Variants in TPGS2 observed in about 807,000 individuals in gnomAD.
TPGS2 encodes the protein polyglutamylase subunit 2.
A neutral mutation model predicts 31.1 loss-of-function variants in TPGS2; 26 were observed. The observed-to-expected ratio is 0.84, with a 90% CI of 0.61 to 1.16. The LOEUF (loss-of-function observed/expected upper bound fraction) is 1.16. Among genes scored for constraint, TPGS2 ranks in the 50% most tolerant of loss-of-function variants. The pLI, the probability that TPGS2 is intolerant of heterozygous loss-of-function variation, is 0.00. For missense variants in TPGS2, 351 were observed against 363.8 expected, an observed-to-expected ratio of 0.96 and a Z score of 0.29; for synonymous variants, 130 against 136.6, an observed-to-expected ratio of 0.95 and a Z score of 0.34.
downstream of TPGS2, among the ~76,000 whole-genome samples, chr18:36,791,090 G>C (rs893677314): frequency 2.0e-5 from 3 of 152,084 alleles, no homozygotes; most frequent in Admixed American, 2.0e-4. Context: ...TTGCTTACTA[G>C]TGTGTAGCCC....
intron 2 of TPGS2, among the ~76,000 whole-genome samples, chr18:36,811,092 G>C (rs1464594349): frequency 6.6e-6 from 1 of 152,192 alleles, no homozygotes; most frequent in Non-Finnish European, 1.5e-5. Flanking sequence ...CCATGGCCAG[G>C]TGAAGAGCTG....
chr18:36,797,336 G>A (rs907926548), intron 6 of TPGS2, among the ~76,000 whole-genome samples: 8 of 151,962 alleles, frequency 5.3e-5, no homozygotes, highest in African/African-American at 1.9e-4. Context: ...AGTGAGTCCT[G>A]AGCCTGGGAT....
chr18:36,798,722 G>A, intron 5 of TPGS2, 113 bp from the exon 6 acceptor site: 7 of 1,461,132 alleles, frequency 4.8e-6, no homozygotes, highest in Non-Finnish European at 6.3e-6. Flanking sequence ...CAGAGAGAAT[G>A]GAAAATGTAA....
At chr18:36,804,040 A>G (rs968011175) in intron 4 of TPGS2, among the ~76,000 whole-genome samples, 1 of 152,100 alleles carries the variant, frequency 6.6e-6, no homozygotes, top group African/African-American at 2.4e-5. Context: ...ATAGCACACT[A>G]CAGCCTCAAT....
intron 2 of TPGS2, among the ~76,000 whole-genome samples, chr18:36,816,438 G>A (rs964124263): frequency 1.3e-5 from 2 of 152,206 alleles, no homozygotes; most frequent in Admixed American, 1.3e-4. Flanking sequence ...TCTAAGGACT[G>A]TATGGTACAA....
At chr18:36,791,335 CAG>C (rs1199284786), downstream of TPGS2, among the ~76,000 whole-genome samples, 2 of 152,174 alleles carry the variant, frequency 1.3e-5, no homozygotes, top group Non-Finnish European at 2.9e-5. Context: ...ACTGAAGACA[CAG>C]AGGACAGAGG....
At chr18:36,799,338 G>T (rs1358304221) in intron 5 of TPGS2, among the ~76,000 whole-genome samples, 2 of 152,136 alleles carry the variant, frequency 1.3e-5, no homozygotes, top group African/African-American at 4.8e-5. Context: ...TGCTTTCAAA[G>T]CTCTGCATCA....
Position 36,800,242 on chromosome 18 carries a change from T to C in TPGS2, c.452A>G (p.Asn151Ser), listed in dbSNP as rs199516988. The change falls in exon 5 of 7, where the codon AAT becomes AGT. Residue 151 changes from asparagine (N) to serine (S), a missense_variant. Coordinates refer to ENST00000334295, the MANE Select transcript of TPGS2 (RefSeq NM_015476.4). Reference sequence around the variant, plus strand: ...GACAAGGCAAACTTTCCCACTGCCATTGCATGAATCCAGCTCAAATATCAC... The same window carrying C: ...GACAAGGCAAACTTTCCCACTGCCACTGCATGAATCCAGCTCAAATATCAC... ...RSVIFELDSC[N>S]GSGKVCLVYK... 216 of 1,614,034 alleles carry C rather than the reference T, an allele frequency of 1.3e-4. No individual in the cohort carries two copies. The highest frequency in any genetic ancestry group is 1.8e-4 in the Non-Finnish European group (209 of 1,180,014).
chr18:36,795,670 A>G lies in TPGS2; in HGVS notation c.*1135T>C, dbSNP rs2044494771. On this transcript the variant is annotated 3_prime_UTR_variant, in exon 7 of 7. Transcript: ENST00000334295. The stretch of plus-strand genomic sequence containing the variant: ...TTATCTTGTGTCAAATATTAAGCAT[A>G]TGTGGGCTAGAGGTTCCCCCATATG... 1 of 985,360 alleles carries G rather than the reference A, an allele frequency of 1.0e-6. No individual in the cohort carries two copies. The highest frequency in any genetic ancestry group is 6.1e-5 in the Admixed American group (1 of 16,272). The allele number at this position is 985,360 out of a possible 1,614,324, so 61.0% of individuals were successfully genotyped here. A position where few individuals can be genotyped will look rare whatever the true frequency, so the allele number is the denominator to read the frequency against.
intron 1 of TPGS2, among the ~76,000 whole-genome samples, chr18:36,823,460 GTTTTTT>G (rs919277214): frequency 9.2e-6 from 1 of 108,110 alleles, no homozygotes; most frequent in African/African-American, 3.8e-5. Flanking sequence ...TTAACAGCTT[GTTTTTT>G]TTTTTTTTTT....
rs2044457517 is a variant in TPGS2 at position 36,794,925 on chromosome 18, T to C, written c.*1880A>G. The C allele has an allele frequency of 1.0e-6, 1 of 983,082 alleles. No homozygotes were observed. The highest frequency in any genetic ancestry group is 1.2e-6 in the Non-Finnish European group (1 of 829,686). The allele number at this position is 983,082 out of a possible 1,614,324, so 60.9% of individuals were successfully genotyped here. On this transcript the variant is annotated 3_prime_UTR_variant, in exon 7 of 7. Transcript: ENST00000334295. ...GAATTATAAGTGGTTAGTTTTGGGATTGAAAAGGTAAGAGGTCTCGCTATT... is the reference window on the plus strand; with the variant it reads ...GAATTATAAGTGGTTAGTTTTGGGACTGAAAAGGTAAGAGGTCTCGCTATT...
intron 2 of TPGS2, among the ~76,000 whole-genome samples, chr18:36,811,677 A>G (rs2045435290): frequency 6.6e-6 from 1 of 152,194 alleles, no homozygotes; most frequent in Admixed American, 6.5e-5. Context: ...CAGGAATGCA[A>G]TTAAGGATTG....
Position 36,796,848 on chromosome 18 carries a change from G to T in TPGS2, c.860C>A (p.Thr287Asn). 1.9e-6 allele frequency: 3 copies of T among 1,606,918 alleles called. No individual in the cohort carries two copies. Among genetic ancestry groups the T allele is most frequent in the Non-Finnish European group, 2.5e-6 (3 of 1,177,834 alleles). ...SGPSGPSTSS[T>N]SKSSSGSGNP... Reference sequence around the variant, plus strand: ...TCCAGAGCCAGAGGAGGATTTAGAAGTGGAGGAAGTGGAGGGACCGGAGGG... The same window carrying T: ...TCCAGAGCCAGAGGAGGATTTAGAATTGGAGGAAGTGGAGGGACCGGAGGG... The change falls in exon 7 of 7, where the codon ACT becomes AAT. Residue 287 changes from threonine to asparagine, a missense_variant. Physicochemically the swap from Thr to Asn is moderately conservative, Grantham distance 65. Coordinates refer to ENST00000334295, the MANE Select transcript of TPGS2 (RefSeq NM_015476.4).
At chr18:36,792,444 T>A (rs534744757), downstream of TPGS2, among the ~76,000 whole-genome samples, 1 of 152,316 alleles carries the variant, frequency 6.6e-6, no homozygotes, top group African/African-American at 2.4e-5. Flanking sequence ...AATACACGCA[T>A]TTATGCTGAA....
intron 1 of TPGS2, chr18:36,824,003 C>T (rs1166989509): frequency 4.9e-6 from 2 of 411,344 alleles, no homozygotes; most frequent in African/African-American, 2.2e-5. Flanking sequence ...CATCCTTTCC[C>T]CCAAAAGAAA....
chr18:36,816,829 G>A lies in TPGS2; in HGVS notation c.165+2065C>T, dbSNP rs571922197. 4.1e-4 allele frequency among the ~76,000 whole-genome samples: 63 copies of A among 152,256 alleles called. 1 individual carries two copies. In the East Asian group the frequency reaches 0.012, roughly 29 times the overall value. ...TCACCATATTGGCCAGGCTGGTCTC[G>A]AACTCCTGACCTCGTGATCTGCCTG... On this transcript the variant is annotated intron_variant, in intron 2 of 6. Transcript: ENST00000334295.
At chr18:36,797,337 A>G (rs1195145777) in intron 6 of TPGS2, among the ~76,000 whole-genome samples, 1 of 152,036 alleles carries the variant, frequency 6.6e-6, no homozygotes, top group Non-Finnish European at 1.5e-5. Flanking sequence ...GTGAGTCCTG[A>G]GCCTGGGATG....
intron 5 of TPGS2, among the ~76,000 whole-genome samples, chr18:36,798,836 T>C (rs190960837): frequency 1.3e-5 from 2 of 152,304 alleles, no homozygotes; most frequent in African/African-American, 4.8e-5. Flanking sequence ...GCTAGATCAG[T>C]AGATTGATCT....
chr18:36,827,505 GT>G (rs2046215142), intron 1 of TPGS2, among the ~76,000 whole-genome samples: 1 of 152,222 alleles, frequency 6.6e-6, no homozygotes, highest in Non-Finnish European at 1.5e-5. Context: ...CGCTTAGTGT[GT>G]TTAAGGTACA....
Sources: allele counts gnomAD v4.1 joint callset (sites outside exome capture counted in the v4.1 genomes callset), GRCh38; gene constraint gnomAD v4.1.1; transcripts MANE v1.5; gene names NCBI Gene and HGNC (gene_info 2026-07-23, HGNC 2026-07-21).